Variants in TANC2 observed in about 807,000 individuals in gnomAD.
TANC2 encodes the protein protein TANC2.
In TANC2, 26 loss-of-function variants were observed where a neutral mutation model predicts 210.5. The observed-to-expected ratio is 0.12, with a 90% CI of 0.09 to 0.17. TANC2 has a LOEUF of 0.17. TANC2 is among the 10% of genes least tolerant of loss of function. The pLI is 1.00. For synonymous variants in TANC2, 931 were observed against 967.1 expected (o/e 0.96, Z 0.69); for missense variants, 2,129 against 2,608.9 (o/e 0.82, Z 4.01).
At chr17:63,149,885 G>A (rs1416073689) in intron 4 of TANC2, 1 of 152,074 alleles carries the variant, frequency 6.6e-6, no homozygotes, top group Non-Finnish European at 1.5e-5. Context: ...TTAGGCCTTT[G>A]TTGCCATGGA....
Position 63,318,878 on chromosome 17 carries a change from A to G in TANC2, c.1442-79A>G, listed in dbSNP as rs2045401656. ...CTTAGGAGCAGAATTGTTAGATCAT[A>G]GAACAAATGGAATTTAGCCATTTTT... On this transcript the variant is annotated intron_variant, in intron 10 of 27. Transcript: ENST00000689528. The G allele has an allele frequency of 3.0e-5, 46 of 1,513,608 alleles. No individual in the cohort carries two copies. The South Asian group carries it at 5.2e-4, about 17-fold the overall frequency. 93.8% of individuals were successfully genotyped at this position (1,513,608 alleles called of 1,614,324 possible).
intron 11 of TANC2, among the ~76,000 whole-genome samples, chr17:63,335,772 T>C (rs2046006046): frequency 6.6e-6 from 1 of 152,094 alleles, no homozygotes; most frequent in African/African-American, 2.4e-5. Flanking sequence ...ATTTGAATAA[T>C]GTCTATAGGT....
At chr17:63,379,495 C>T (rs1364328002) in intron 14 of TANC2, among the ~76,000 whole-genome samples, 1 of 152,140 alleles carries the variant, frequency 6.6e-6, no homozygotes, top group African/African-American at 2.4e-5. Flanking sequence ...CATGGCGAAA[C>T]CCCATCTCTA....
At chr17:63,322,352 G>A (rs1447731104) in intron 11 of TANC2, among the ~76,000 whole-genome samples, 1 of 152,084 alleles carries the variant, frequency 6.6e-6, no homozygotes, top group African/African-American at 2.4e-5. Flanking sequence ...CAAAAAATTA[G>A]CCGGGCGTGG....
At chr17:63,218,482 G>A (rs1264957817) in intron 7 of TANC2, among the ~76,000 whole-genome samples, 1 of 151,962 alleles carries the variant, frequency 6.6e-6, no homozygotes, top group Non-Finnish European at 1.5e-5. Context: ...GAAATAAGAT[G>A]AATAAAGTAA....
At chr17:62,976,632 A>T (rs1460245019) in intron 1 of TANC2, among the ~76,000 whole-genome samples, 2 of 152,224 alleles carry the variant, frequency 1.3e-5, no homozygotes, top group Non-Finnish European at 2.9e-5. Context: ...TCCCCGTCTA[A>T]TTAGGAATAA....
At chr17:63,335,451 A>C (rs1296231169) in intron 11 of TANC2, among the ~76,000 whole-genome samples, 4 of 151,982 alleles carry the variant, frequency 2.6e-5, no homozygotes, top group Non-Finnish European at 5.9e-5. Context: ...CCTCTACTAA[A>C]AATACAGAAA....
At chr17:62,972,157 A>G (rs1378391978) in intron 1 of TANC2, among the ~76,000 whole-genome samples, 1 of 152,128 alleles carries the variant, frequency 6.6e-6, no homozygotes, top group Non-Finnish European at 1.5e-5. Flanking sequence ...AAACAAATTT[A>G]TTAGGTCAGT....
At chr17:62,989,385 G>A (rs760629414) in intron 1 of TANC2, among the ~76,000 whole-genome samples, 1 of 152,212 alleles carries the variant, frequency 6.6e-6, no homozygotes, top group East Asian at 1.9e-4. Flanking sequence ...TATAATTTGC[G>A]AAGAATTTTC....
intron 8 of TANC2, among the ~76,000 whole-genome samples, chr17:63,248,369 A>T (rs2042971327): frequency 6.6e-6 from 1 of 152,136 alleles, no homozygotes; most frequent in Admixed American, 6.5e-5. Flanking sequence ...CTGAACGTCA[A>T]GGGCAGGATG....
At chr17:63,014,633 C>T (rs1268467127) in intron 2 of TANC2, among the ~76,000 whole-genome samples, 1 of 152,112 alleles carries the variant, frequency 6.6e-6, no homozygotes, top group Non-Finnish European at 1.5e-5. Context: ...GTGGTCAATT[C>T]ATACTAGACA....
At chr17:63,379,774 G>A (rs1322854387) in exon 15 of TANC2, 6 of 1,612,944 alleles carry the variant, frequency 3.7e-6, no homozygotes, top group Admixed American at 1.7e-5. Context: ...AAACTAAACC[G>A]ACAGCAGACT....
chr17:63,286,886 G>A (rs888978088), intron 9 of TANC2, among the ~76,000 whole-genome samples: 17 of 151,990 alleles, frequency 1.1e-4, no homozygotes, highest in African/African-American at 2.4e-4. Context: ...ATTCTATCTA[G>A]TGTATTTTTC....
chr17:63,074,678 C>T (rs957190174), intron 3 of TANC2, among the ~76,000 whole-genome samples: 1 of 152,048 alleles, frequency 6.6e-6, no homozygotes, highest in African/African-American at 2.4e-5. Context: ...TGCGTGATAG[C>T]AGTGATTTTT....
At chr17:63,166,463 G>GA (rs1478835127) in intron 5 of TANC2, among the ~76,000 whole-genome samples, 1 of 152,152 alleles carries the variant, frequency 6.6e-6, no homozygotes, top group Non-Finnish European at 1.5e-5. Context: ...CAAATAGTTA[G>GA]AAAATCACTT....
chr17:63,289,948 C>CA (rs917983435), intron 9 of TANC2, among the ~76,000 whole-genome samples: 1 of 152,052 alleles, frequency 6.6e-6, no homozygotes, highest in Non-Finnish European at 1.5e-5. Context: ...TTCCTTCCCC[C>CA]CCTTCAGTGG....
chr17:63,015,945 C>T lies in TANC2; in HGVS notation c.67+6319C>T, dbSNP rs2034089118. Among the ~76,000 whole-genome samples, 3 of 150,624 alleles carry T rather than the reference C, an allele frequency of 2.0e-5. No homozygotes were observed. The South Asian group carries it at 6.3e-4, about 31-fold the overall frequency. On this transcript the variant is annotated intron_variant, in intron 2 of 27. Transcript: ENST00000689528. ...ATGCCGTTGTTTGATATCATTGTGT[C>T]ATTGTTTTGGTAAATCATTATTCAA...
intron 8 of TANC2, among the ~76,000 whole-genome samples, chr17:63,250,899 G>A (rs2043038342): frequency 6.6e-6 from 1 of 152,120 alleles, no homozygotes; most frequent in South Asian, 2.1e-4. Flanking sequence ...ATGAATATCT[G>A]AAGGAAGATA....
chr17:63,387,787 T>C (rs2047831902), intron 15 of TANC2, among the ~76,000 whole-genome samples: 1 of 152,180 alleles, frequency 6.6e-6, no homozygotes, highest in Non-Finnish European at 1.5e-5. Context: ...AGGACAAATA[T>C]TAGTACATGT....
Sources: gnomAD v4.1 joint callset for allele counts (sites outside exome capture counted in the v4.1 genomes callset) on GRCh38, gnomAD v4.1.1 for gene constraint, MANE v1.5 for transcripts, NCBI Gene and HGNC (gene_info 2026-07-23, HGNC 2026-07-21) for gene names.